The following KCNC1 variants were observed in gnomAD, a reference collection of about 807,000 sequenced individuals.
The protein encoded by KCNC1 is voltage-gated potassium channel KCNC1.
Under a neutral mutation model 43.4 loss-of-function variants are expected in KCNC1, and 8 were observed. The ratio of observed to expected loss-of-function variants is 0.18; its 90% CI spans 0.11 to 0.33. The LOEUF is 0.33. Ranked by LOEUF, KCNC1 falls within the 10% of genes least tolerant of loss-of-function variation. The pLI is 1.00. For missense variants in KCNC1, 420 were observed against 836.0 expected, an observed-to-expected ratio of 0.50 and a Z score of 6.14; for synonymous variants, 361 against 360.5, an observed-to-expected ratio of 1.00 and a Z score of -0.01.
chr11:17,763,974 C>T (rs1849114907), intron 1 of KCNC1, among the ~76,000 whole-genome samples: 1 of 138,414 alleles, frequency 7.2e-6, no homozygotes, highest in African/African-American at 2.7e-5. Context: ...CCCACACATG[C>T]ACATATACAC....
Position 17,772,220 on chromosome 11 carries a change from C to G in KCNC1, c.1126C>G (p.Pro376Ala). The G allele has an allele frequency of 6.2e-7, 1 of 1,614,084 alleles. No homozygotes were observed. Among genetic ancestry groups the G allele is most frequent in the Non-Finnish European group, 8.5e-7 (1 of 1,180,038 alleles). ...AERIGAQPND[P>A]SASEHTHFKN... ...GAGGATAGGGGCACAGCCCAATGACCCCAGCGCCAGTGAGCACACGCACTT... is the reference window on the plus strand; with the variant it reads ...GAGGATAGGGGCACAGCCCAATGACGCCAGCGCCAGTGAGCACACGCACTT... Residue 376 changes from proline (P) to alanine (A), a missense_variant, in exon 2 of 4, where the codon CCC becomes GCC. Transcript: ENST00000265969.
In KCNC1 at chr11:17,782,061, C is replaced by T. The variant is rs1316597308; in HGVS notation, c.*327C>T. On this transcript the variant is annotated 3_prime_UTR_variant, in exon 4 of 4. Transcript: ENST00000265969. ...CCAACCCCCTGCAACTGTATGATTA[C>T]CCTGAACAACAATAATGAAAAGAAA... The T allele has an allele frequency of 2.7e-5, 8 of 300,436 alleles. No individual in the cohort carries two copies. Among genetic ancestry groups the T allele is most frequent in the African/African-American group, 1.7e-4 (8 of 46,510 alleles). 18.6% of individuals were successfully genotyped at this position (300,436 alleles called of 1,614,324 possible).
Position 17,775,503 on chromosome 11 carries a change from T to C in KCNC1, c.1504+2905T>C, listed in dbSNP as rs905078480. The C allele has an allele frequency of 7.1e-6, 7 of 985,404 alleles. No individual in the cohort carries two copies. The African/African-American group carries it at 1.2e-4, about 17-fold the overall frequency. The allele number at this position is 985,404 out of a possible 1,614,324, so 61.0% of individuals were successfully genotyped here. A position where few individuals can be genotyped will look rare whatever the true frequency, so the allele number is the denominator to read the frequency against. ...CCTGGTTGTAGGACCTCTTGGGGGATGCTAGGAGGGCGCCCTGGCACAGCC... is the reference window on the plus strand; with the variant it reads ...CCTGGTTGTAGGACCTCTTGGGGGACGCTAGGAGGGCGCCCTGGCACAGCC... On this transcript the variant is annotated intron_variant, in intron 2 of 3. Coordinates refer to ENST00000265969, the MANE Select transcript of KCNC1 (RefSeq NM_001112741.2).
chr11:17,749,904 G>A (rs1453954264), intron 1 of KCNC1, among the ~76,000 whole-genome samples: 1 of 152,240 alleles, frequency 6.6e-6, no homozygotes, highest in Non-Finnish European at 1.5e-5. Flanking sequence ...AGGAGAATCC[G>A]TCAGACCAGA....
chr11:17,759,365 A>T (rs1370945995), intron 1 of KCNC1, among the ~76,000 whole-genome samples: 6 of 152,226 alleles, frequency 3.9e-5, no homozygotes, highest in Admixed American at 3.9e-4. Context: ...TTCTATCAGT[A>T]GTAAGGCTGT....
At chr11:17,741,238 T>C (rs949253749) in intron 1 of KCNC1, among the ~76,000 whole-genome samples, 5 of 97,886 alleles carry the variant, frequency 5.1e-5, no homozygotes, top group Admixed American at 1.5e-4. Flanking sequence ...CTCCCAGTAA[T>C]GAAAATCATA....
In KCNC1 at chr11:17,772,526, T is replaced by G. The variant is rs2133805577; in HGVS notation, c.1432T>G (p.Ser478Ala). 5 of 1,614,074 alleles carry G rather than the reference T, an allele frequency of 3.1e-6. No individual in the cohort carries two copies. Among genetic ancestry groups the G allele is most frequent in the Non-Finnish European group, 4.2e-6 (5 of 1,180,020 alleles). ...CAATTATTGTAAATCTGTCGTAAACTCTCCACACCACAGTACTCAGAGTGA... is the reference window on the plus strand; with the variant it reads ...CAATTATTGTAAATCTGTCGTAAACGCTCCACACCACAGTACTCAGAGTGA... Reference protein sequence around the residue: ...SPNYCKSVVNSPHHSTQSDTC... With the variant: ...SPNYCKSVVNAPHHSTQSDTC... Residue 478 changes from serine to alanine, a missense_variant, in exon 2 of 4, where the codon TCT becomes GCT. By Grantham distance (99) the Ser-to-Ala change is moderately conservative. Around this residue, in one of 5 missense-constraint regions of KCNC1, gnomAD observed 147 missense variants for 176.1 expected, o/e 0.83. Transcript: ENST00000265969.
intron 1 of KCNC1, among the ~76,000 whole-genome samples, chr11:17,740,680 C>T (rs1240424056): frequency 1.3e-5 from 2 of 152,078 alleles, no homozygotes; most frequent in Admixed American, 6.5e-5. Flanking sequence ...ACATCTGTTC[C>T]TGAGTCACTT....
At position 17,779,359 on chromosome 11, in the gene KCNC1, G is replaced by T. The variant is rs548814568; in HGVS notation, c.1505-97G>T. ...CTTTTCCGTCCTCAGGGACGCTCAA[G>T]CTGCCCTCTGCCAATACCCCGCTTC... On this transcript the variant is annotated intron_variant, in intron 2 of 3. Transcript: ENST00000265969. This position sits in a 1 kb window ranked among gnomAD's most constrained non-coding sequence, Gnocchi z 7.2. The T allele has an allele frequency of 3.7e-5, 38 of 1,036,622 alleles. No individual in the cohort carries two copies. Among genetic ancestry groups the T allele is most frequent in the Non-Finnish European group, 4.2e-5 (31 of 744,870 alleles). 64.2% of individuals were successfully genotyped at this position (1,036,622 alleles called of 1,614,324 possible). A position where few individuals can be genotyped will look rare whatever the true frequency, so the allele number is the denominator to read the frequency against.
intron 1 of KCNC1, among the ~76,000 whole-genome samples, chr11:17,752,071 C>T (rs1442061765): frequency 6.6e-6 from 1 of 152,160 alleles, no homozygotes; most frequent in East Asian, 1.9e-4. Context: ...GCTATCAACC[C>T]CCAGGTGTTA....
chr11:17,755,332 C>CA (rs1461114550), intron 1 of KCNC1, among the ~76,000 whole-genome samples: 2 of 152,102 alleles, frequency 1.3e-5, no homozygotes, highest in Non-Finnish European at 2.9e-5. Flanking sequence ...AATAGGGCGC[C>CA]AGTGCAGGAT....
chr11:17,779,762 A>G lies in KCNC1; in HGVS notation c.1693+118A>G. ...GGCAGGCAGGCACACCGAGGGGGGC[A>G]AGGATGGAGGGAATCTCCCAGGGTC... On this transcript the variant is annotated intron_variant, in intron 3 of 3. Transcript: ENST00000265969. This position sits in a 1 kb window ranked among gnomAD's most constrained non-coding sequence, Gnocchi z 7.2. 1.2e-6 allele frequency: 1 copy of G among 811,772 alleles called. No individual in the cohort carries two copies. Among genetic ancestry groups the G allele is most frequent in the Non-Finnish European group, 1.8e-6 (1 of 556,736 alleles). The allele number at this position is 811,772 out of a possible 1,614,324, so 50.3% of individuals were successfully genotyped here. A position where few individuals can be genotyped will look rare whatever the true frequency, so the allele number is the denominator to read the frequency against.
intron 1 of KCNC1, among the ~76,000 whole-genome samples, chr11:17,761,028 G>A (rs1439967517): frequency 6.6e-6 from 1 of 152,142 alleles, no homozygotes; most frequent in Non-Finnish European, 1.5e-5. Context: ...TTTCCCTCCC[G>A]ACACCCAAGA....
At chr11:17,738,385 G>A (rs530042983) in intron 1 of KCNC1, among the ~76,000 whole-genome samples, 1 of 151,088 alleles carries the variant, frequency 6.6e-6, no homozygotes, top group African/African-American at 2.4e-5. Context: ...GTGGGGGTGG[G>A]CAGAGGCCTG....
At chr11:17,766,983 A>AAT (rs1849157741) in intron 1 of KCNC1, among the ~76,000 whole-genome samples, 1 of 150,848 alleles carries the variant, frequency 6.6e-6, no homozygotes, top group African/African-American at 2.4e-5. Flanking sequence ...AAAAAAAAAA[A>AAT]ATTAGCCGGG....
rs778541613 is a variant in KCNC1, at chr11:17,755,407, G to T, written c.571-16258G>T. Among the ~76,000 whole-genome samples the T allele has an allele frequency of 1.6e-4, 25 of 152,104 alleles. No homozygotes were observed. In the South Asian group the frequency reaches 4.6e-3, roughly 28 times the overall value. Reference sequence around the variant, plus strand: ...AAGCTGTGTTGAAAACAGTCCTAGCGCACCAGGAATGTTGGAACCTGGGAG... The same window carrying T: ...AAGCTGTGTTGAAAACAGTCCTAGCTCACCAGGAATGTTGGAACCTGGGAG... On this transcript the variant is annotated intron_variant, in intron 1 of 3. Transcript: ENST00000265969.
At chr11:17,778,718 G>C (rs905552764) in intron 2 of KCNC1, among the ~76,000 whole-genome samples, 1 of 152,180 alleles carries the variant, frequency 6.6e-6, no homozygotes, top group Non-Finnish European at 1.5e-5. Flanking sequence ...TGGGGGGTCG[G>C]GGCATAGAGT....
At chr11:17,746,433 C>G (rs1336954277) in intron 1 of KCNC1, among the ~76,000 whole-genome samples, 5 of 152,182 alleles carry the variant, frequency 3.3e-5, no homozygotes, top group Non-Finnish European at 7.4e-5. Context: ...CCCACTTGGT[C>G]CAGCCCGACC....
At position 17,772,521 on chromosome 11, in the gene KCNC1, T is replaced by C. The variant is rs1849241689; in HGVS notation, c.1427T>C (p.Val476Ala). Residue 476 changes from valine to alanine, a missense_variant, in exon 2 of 4, where the codon GTA becomes GCA. Val to Ala is a moderately conservative substitution (Grantham distance 64). This residue lies in a region of KCNC1 where 147 missense variants were observed against 176.1 expected (regional missense o/e 0.83). Coordinates refer to ENST00000265969, the MANE Select transcript of KCNC1 (RefSeq NM_001112741.2). ...LGSPNYCKSV[V>A]NSPHHSTQSD... Reference sequence around the variant, plus strand: ...TCTCCCAATTATTGTAAATCTGTCGTAAACTCTCCACACCACAGTACTCAG... The same window carrying C: ...TCTCCCAATTATTGTAAATCTGTCGCAAACTCTCCACACCACAGTACTCAG... 5.0e-6 allele frequency: 8 copies of C among 1,614,066 alleles called. No homozygotes were observed. The East Asian group carries it at 1.6e-4, about 31-fold the overall frequency.
Sources: gnomAD v4.1 joint callset for allele counts (sites outside exome capture counted in the v4.1 genomes callset) on GRCh38, gnomAD v4.1.1 for gene constraint, gnomAD v4.1.1 regional missense constraint, Gnocchi (gnomAD v3.1) non-coding constraint, MANE v1.5 for transcripts, NCBI Gene and HGNC (gene_info 2026-07-23, HGNC 2026-07-21) for gene names.